Variants in CSMD1 observed in about 807,000 individuals in gnomAD.
CSMD1 encodes CUB and Sushi multiple domains 1, also known as CUB and sushi domain-containing protein 1.
Under a neutral mutation model 417.5 loss-of-function variants are expected in CSMD1, and 213 were observed. The ratio of observed to expected loss-of-function variants is 0.51; its 90% CI spans 0.46 to 0.57. The LOEUF is 0.57. Ranked by LOEUF, CSMD1 falls within the 20% of genes least tolerant of loss-of-function variation. The pLI is 0.00. For missense variants in CSMD1, 6,923 were observed against 4,529.7 expected, an observed-to-expected ratio of 1.53 and a Z score of -15.17; for synonymous variants, 2,862 against 1,736.8, an observed-to-expected ratio of 1.65 and a Z score of -16.11.
intron 3 of CSMD1, among the ~76,000 whole-genome samples, chr8:4,380,099 A>G (rs1215434211): frequency 6.6e-6 from 1 of 152,236 alleles, no homozygotes; most frequent in Non-Finnish European, 1.5e-5. Flanking sequence ...AAATGGGAGA[A>G]AAATAAAACA....
At chr8:4,471,475 A>G (rs1471081694) in intron 2 of CSMD1, among the ~76,000 whole-genome samples, 6 of 152,160 alleles carry the variant, frequency 3.9e-5, no homozygotes, top group Admixed American at 3.3e-4. Flanking sequence ...CACAAGATGC[A>G]TGTGCCTAAC....
intron 1 of CSMD1, among the ~76,000 whole-genome samples, chr8:4,778,096 G>C (rs999233637): frequency 6.6e-6 from 1 of 151,810 alleles, no homozygotes; most frequent in Non-Finnish European, 1.5e-5. Context: ...TTTAAAATTA[G>C]GATCAGTATA....
At chr8:3,341,656 C>G (rs1052093550) in intron 23 of CSMD1, among the ~76,000 whole-genome samples, 4 of 152,104 alleles carry the variant, frequency 2.6e-5, no homozygotes, top group Non-Finnish European at 2.9e-5. Flanking sequence ...GCTCTTTGCC[C>G]AGGGAGCCAT....
chr8:3,383,468 T>G (rs1810771399), intron 18 of CSMD1, among the ~76,000 whole-genome samples: 1 of 151,944 alleles, frequency 6.6e-6, no homozygotes, highest in Non-Finnish European at 1.5e-5. Flanking sequence ...AAAAACCTCA[T>G]GCATGGAGGG....
chr8:4,259,868 G>A (rs1315649636), intron 3 of CSMD1, among the ~76,000 whole-genome samples: 1 of 152,084 alleles, frequency 6.6e-6, no homozygotes, highest in East Asian at 1.9e-4. Flanking sequence ...AAATATTGCA[G>A]CTTAAGTTAA....
Position 3,387,573 on chromosome 8 carries a change from C to G in CSMD1, c.2703G>C (p.Pro901=). 6.2e-7 allele frequency: 1 copy of G among 1,600,680 alleles called. No individual in the cohort carries two copies. The highest frequency in any genetic ancestry group is 8.5e-7 in the Non-Finnish European group (1 of 1,173,596). The change falls in exon 18 of 70, where the codon CCG becomes CCC. Residue 901 remains proline (P), a synonymous_variant. Coordinates refer to ENST00000635120, the MANE Select transcript of CSMD1 (RefSeq NM_033225.6). Reference sequence around the variant, plus strand: ...GCTCGTCGTCACTTAGTGTGTACCCCGGGTCACAGCTGAAAGTCACTGTGG... The same window carrying G: ...GCTCGTCGTCACTTAGTGTGTACCCGGGGTCACAGCTGAAAGTCACTGTGG... ...IRSTVTFSCD[P]GYTLSDDEPL...
intron 2 of CSMD1, among the ~76,000 whole-genome samples, chr8:4,546,022 C>G (rs1797614762): frequency 6.6e-6 from 1 of 152,166 alleles, no homozygotes; most frequent in Non-Finnish European, 1.5e-5. Context: ...GCTGCATCTA[C>G]AGAGACTTTT....
intron 3 of CSMD1, among the ~76,000 whole-genome samples, chr8:4,077,136 G>C (rs1352485175): frequency 2.0e-5 from 3 of 151,604 alleles, no homozygotes; most frequent in East Asian, 3.9e-4. Context: ...ATGAAGTCAA[G>C]AAAGTTAAAT....
intron 4 of CSMD1, among the ~76,000 whole-genome samples, chr8:4,029,578 A>G (rs1251671412): frequency 6.6e-6 from 1 of 152,144 alleles, no homozygotes; most frequent in Non-Finnish European, 1.5e-5. Context: ...GCTTCCTCCC[A>G]CATGTGAGAA....
intron 33 of CSMD1, 39 bp from the exon 34 acceptor site, chr8:3,190,154 A>G (rs1368400248): frequency 1.3e-6 from 2 of 1,517,862 alleles, no homozygotes; most frequent in East Asian, 2.4e-5. Context: ...CTGTATCTCC[A>G]TCAGCAAGCC....
chr8:3,449,952 C>T (rs117895995), intron 12 of CSMD1, among the ~76,000 whole-genome samples: 1 of 152,220 alleles, frequency 6.6e-6, no homozygotes, highest in Admixed American at 6.5e-5. Context: ...ACTCACACAG[C>T]TTGCCATAAT....
intron 10 of CSMD1, among the ~76,000 whole-genome samples, chr8:3,508,087 C>T (rs1157722792): frequency 6.6e-6 from 1 of 152,144 alleles, no homozygotes; most frequent in Non-Finnish European, 1.5e-5. Context: ...TTGCCCATGC[C>T]TATGTCCTGA....
intron 3 of CSMD1, among the ~76,000 whole-genome samples, chr8:4,313,043 A>G (rs13273923): frequency 6.6e-6 from 1 of 152,096 alleles, no homozygotes; most frequent in Non-Finnish European, 1.5e-5. Context: ...ATTTCTATAG[A>G]ATAAACTACA....
At chr8:4,207,759 C>G (rs1301721177) in intron 3 of CSMD1, among the ~76,000 whole-genome samples, 1 of 152,000 alleles carries the variant, frequency 6.6e-6, no homozygotes, top group Non-Finnish European at 1.5e-5. Flanking sequence ...TTTCGATAAT[C>G]TACTAGGATA....
chr8:4,135,466 A>G (rs1055264386), intron 3 of CSMD1, among the ~76,000 whole-genome samples: 2 of 151,894 alleles, frequency 1.3e-5, no homozygotes, highest in African/African-American at 4.8e-5. Context: ...CAAAATGAAT[A>G]TAACTTACAC....
At chr8:4,078,012 T>C (rs1377417526) in intron 3 of CSMD1, among the ~76,000 whole-genome samples, 2 of 151,886 alleles carry the variant, frequency 1.3e-5, no homozygotes, top group Non-Finnish European at 2.9e-5. Flanking sequence ...TGGAAAAAAA[T>C]AGCGCTATTT....
rs76473656 is a variant in CSMD1, at chr8:3,102,926, G to T, written c.6949+3602C>A. Among the ~76,000 whole-genome samples, 823 of 152,240 alleles carry T rather than the reference G, an allele frequency of 5.4e-3. 10 individuals are homozygous for T. Among genetic ancestry groups the T allele is most frequent in the African/African-American group, 0.019 (774 of 41,528 alleles). The stretch of plus-strand genomic sequence containing the variant: ...TAGAATTCAACGAGTTTTATTAGCG[G>T]TCTGAAGAAACTCCCCAGGCCTCCA... On this transcript the variant is annotated intron_variant, in intron 46 of 69. Transcript: ENST00000635120.
At chr8:4,092,875 T>G (rs564731453) in intron 3 of CSMD1, among the ~76,000 whole-genome samples, 49 of 152,332 alleles carry the variant, frequency 3.2e-4, no homozygotes, top group South Asian at 3.1e-3. Context: ...AGAATTTAAA[T>G]AATTACTTCT....
intron 3 of CSMD1, among the ~76,000 whole-genome samples, chr8:4,092,010 C>T (rs1220052423): frequency 6.6e-6 from 1 of 152,144 alleles, no homozygotes; most frequent in Non-Finnish European, 1.5e-5. Flanking sequence ...GCTACTTTTA[C>T]ATAATATTAC....
Sources: gnomAD v4.1 joint callset for allele counts (sites outside exome capture counted in the v4.1 genomes callset) on GRCh38, gnomAD v4.1.1 for gene constraint, MANE v1.5 for transcripts, NCBI Gene and HGNC (gene_info 2026-07-23, HGNC 2026-07-21) for gene names.